The following DZIP3 variants were observed in gnomAD, a reference collection of about 807,000 sequenced individuals.
DZIP3 encodes DAZ interacting zinc finger protein 3, also known as E3 ubiquitin-protein ligase DZIP3.
A neutral mutation model predicts 162.0 loss-of-function variants in DZIP3; 118 were observed. The ratio of observed to expected loss-of-function variants is 0.73; its 90% CI spans 0.63 to 0.85. DZIP3 has a LOEUF of 0.85. Among genes scored for constraint, DZIP3 ranks in the 40% least tolerant of loss-of-function variants. DZIP3 has a pLI of 0.00. For synonymous variants in DZIP3, 438 were observed against 458.6 expected (o/e 0.96, Z 0.57); for missense variants, 1,331 against 1,407.0 (o/e 0.95, Z 0.86).
chr3:108,650,818 A>G (rs534696361), intron 17 of DZIP3, among the ~76,000 whole-genome samples: 3 of 151,792 alleles, frequency 2.0e-5, no homozygotes, highest in South Asian at 4.1e-4. Flanking sequence ...TTTTCAAGTC[A>G]TGTTTCAAGA....
At chr3:108,613,494 G>T (rs1940835473) in intron 4 of DZIP3, among the ~76,000 whole-genome samples, 1 of 152,016 alleles carries the variant, frequency 6.6e-6, no homozygotes, top group Non-Finnish European at 1.5e-5. Context: ...AATATATACA[G>T]AACCTTTATG....
rs1944580573 is a variant in DZIP3 at position 108,688,650 on chromosome 3, C to T, written c.3328C>T (p.Gln1110Ter). The change falls in exon 30 of 33, where the codon CAG becomes TAG. Residue 1110 changes from glutamine (Q) to a stop codon, truncating the protein, a stop_gained. Transcript: ENST00000361582. LOFTEE classifies it high-confidence loss of function. ...NCVSPSHSPS[Q>*]PDAAQPPKPA... Reference sequence around the variant, plus strand: ...TGTTTCACCTAGTCATTCTCCATCACAGCCTGATGCTGCCCAGCCCCCAAA... The same window carrying T: ...TGTTTCACCTAGTCATTCTCCATCATAGCCTGATGCTGCCCAGCCCCCAAA... 1 of 1,614,036 alleles carries T rather than the reference C, an allele frequency of 6.2e-7. No individual in the cohort carries two copies. The highest frequency in any genetic ancestry group is 1.7e-5 in the Admixed American group (1 of 60,008).
chr3:108,648,073 C>G lies in DZIP3; in HGVS notation c.1923C>G (p.Pro641=). ...TTAATAAAGATGGGACCTCAATACC[C>G]AGTGAATCTTCAACAGAATCTCTTA... ...AEINKDGTSI[P]SESSTESLKD... Residue 641 remains proline (P), a synonymous_variant, in exon 16 of 33, where the codon CCC becomes CCG. Transcript: ENST00000361582. 6.2e-7 allele frequency: 1 copy of G among 1,607,052 alleles called. No individual in the cohort carries two copies. The highest frequency in any genetic ancestry group is 1.1e-5 in the South Asian group (1 of 89,210).
intron 31 of DZIP3, 59 bp from the exon 32 acceptor site, chr3:108,690,728 G>C (rs1387457683): frequency 6.7e-7 from 1 of 1,499,798 alleles, no homozygotes; most frequent in Non-Finnish European, 9.3e-7. Flanking sequence ...TGCATAGAGT[G>C]ACAACTGCCT....
intron 23 of DZIP3, among the ~76,000 whole-genome samples, 164 bp from the exon 24 acceptor site, chr3:108,673,914 A>G (rs62266433): frequency 0.2 from 31,133 of 151,888 alleles, 3,787 homozygotes; most frequent in East Asian, 0.45. Flanking sequence ...CAGAGGTGGC[A>G]TTGATTTAAA....
chr3:108,604,511 C>A (rs1940212615), intron 1 of DZIP3, among the ~76,000 whole-genome samples: 1 of 152,126 alleles, frequency 6.6e-6, no homozygotes, highest in African/African-American at 2.4e-5. Context: ...GAATAAATAG[C>A]TATGTAAATA....
chr3:108,672,670 G>A lies in DZIP3; in HGVS notation c.2589+14G>A, dbSNP rs757269940. 26 of 1,605,634 alleles carry A rather than the reference G, an allele frequency of 1.6e-5. No individual in the cohort carries two copies. The Middle Eastern group carries it at 5.0e-4, about 31-fold the overall frequency. ...TTAACAGCCGAGGTAACAACAAAAC[G>A]GGGACAGGGGTATGGGGTGAGGGGA... On this transcript the variant is annotated intron_variant, in intron 23 of 32. Coordinates refer to ENST00000361582, the MANE Select transcript of DZIP3 (RefSeq NM_014648.4).
chr3:108,693,212 T>C (rs1944767639), intron 32 of DZIP3, 148 bp from the exon 33 acceptor site: 1 of 151,312 alleles, frequency 6.6e-6, no homozygotes, highest in East Asian at 2.0e-4. Flanking sequence ...GAATAAAATA[T>C]GAGGTTATTT....
At chr3:108,687,855 G>C (rs1944549688) in intron 28 of DZIP3, 121 bp from the exon 29 acceptor site, 1 of 1,305,152 alleles carries the variant, frequency 7.7e-7, no homozygotes, top group African/African-American at 1.5e-5. Flanking sequence ...GACCTAAAGA[G>C]TCCTGTCTGT....
At chr3:108,679,466 G>C (rs2107387461) in intron 26 of DZIP3, among the ~76,000 whole-genome samples, 1 of 152,180 alleles carries the variant, frequency 6.6e-6, no homozygotes, top group South Asian at 2.1e-4. Flanking sequence ...CTAACATTCT[G>C]AGGGGTTCAC....
At chr3:108,682,525 A>G (rs1431856181) in intron 26 of DZIP3, among the ~76,000 whole-genome samples, 1 of 150,818 alleles carries the variant, frequency 6.6e-6, no homozygotes, top group East Asian at 1.9e-4. Context: ...ACAGAAAGAC[A>G]AATACTACCT....
rs1300841751 is a variant in DZIP3 at position 108,659,618 on chromosome 3, G to T, written c.2200-2259G>T. On this transcript the variant is annotated intron_variant, in intron 19 of 32. Coordinates refer to ENST00000361582, the MANE Select transcript of DZIP3 (RefSeq NM_014648.4). ...TCTCTCACCACTCCTATTCAACATA[G>T]TGTTGGAAGTTCTGGCCAGGGCAAT... Among the ~76,000 whole-genome samples the T allele has an allele frequency of 4.0e-5, 6 of 151,898 alleles. No individual in the cohort carries two copies. In the East Asian group the frequency reaches 1.2e-3, roughly 29 times the overall value.
At chr3:108,620,498 C>T (rs1400550255) in intron 5 of DZIP3, among the ~76,000 whole-genome samples, 2 of 152,190 alleles carry the variant, frequency 1.3e-5, no homozygotes, top group Admixed American at 6.5e-5. Context: ...TTTTAATGCC[C>T]AGGCTTGTAT....
chr3:108,596,218 G>T (rs1317768691), intron 1 of DZIP3, among the ~76,000 whole-genome samples: 1 of 152,154 alleles, frequency 6.6e-6, no homozygotes, highest in Admixed American at 6.5e-5. Context: ...CAGTTTGTCT[G>T]CTCCAGGCCT....
chr3:108,636,926 A>T (rs987012585), intron 11 of DZIP3, among the ~76,000 whole-genome samples: 2 of 152,006 alleles, frequency 1.3e-5, no homozygotes, highest in Non-Finnish European at 1.5e-5. Context: ...AAAGAGAAAG[A>T]CACAAAAAGA....
At chr3:108,605,010 C>T (rs909570649) in intron 1 of DZIP3, among the ~76,000 whole-genome samples, 4 of 152,048 alleles carry the variant, frequency 2.6e-5, no homozygotes, top group Admixed American at 2.6e-4. Context: ...CCCAATCAAC[C>T]AGCTGTTGTA....
chr3:108,637,584 G>T (rs1412122482), intron 12 of DZIP3, 36 bp downstream of exon 12: 2 of 1,560,168 alleles, frequency 1.3e-6, no homozygotes, highest in East Asian at 2.3e-5. Context: ...TACCTTTTTT[G>T]GAATATGCAT....
intron 4 of DZIP3, among the ~76,000 whole-genome samples, chr3:108,612,172 T>C (rs1576357258): frequency 6.6e-6 from 1 of 152,178 alleles, no homozygotes; most frequent in East Asian, 1.9e-4. Flanking sequence ...GAAAATTATA[T>C]ACTCTTTTCT....
At chr3:108,599,886 T>G (rs1159664469) in intron 1 of DZIP3, among the ~76,000 whole-genome samples, 1 of 152,180 alleles carries the variant, frequency 6.6e-6, no homozygotes, top group Non-Finnish European at 1.5e-5. Flanking sequence ...CCTCCGGAAC[T>G]GTGAGAAATA....
Sources: gnomAD v4.1 joint callset for allele counts (sites outside exome capture counted in the v4.1 genomes callset) on GRCh38, gnomAD v4.1.1 for gene constraint, MANE v1.5 for transcripts, NCBI Gene and HGNC (gene_info 2026-07-23, HGNC 2026-07-21) for gene names.